Variants in GABRB2 observed in about 807,000 individuals in gnomAD.
GABRB2 encodes the protein gamma-aminobutyric acid type A receptor subunit beta2.
A neutral mutation model predicts 54.7 loss-of-function variants in GABRB2; 16 were observed. The observed-to-expected ratio is 0.29, with a 90% confidence interval of 0.20 to 0.44. GABRB2 has a LOEUF of 0.44. GABRB2 is among the 20% of genes least tolerant of loss of function. The pLI is 1.00. For missense variants in GABRB2, 355 were observed against 644.0 expected, an observed-to-expected ratio of 0.55 and a Z score of 4.86; for synonymous variants, 244 against 233.8, an observed-to-expected ratio of 1.04 and a Z score of -0.40.
At chr5:161,331,595 G>C (rs975345084) in intron 7 of GABRB2, among the ~76,000 whole-genome samples, 1 of 152,096 alleles carries the variant, frequency 6.6e-6, no homozygotes, top group African/African-American at 2.4e-5. Context: ...CTGGTGGAGA[G>C]AGCTTTTATA....
chr5:161,458,699 A>G (rs551593519), intron 4 of GABRB2, among the ~76,000 whole-genome samples: 32 of 152,344 alleles, frequency 2.1e-4, no homozygotes, highest in African/African-American at 7.5e-4. Context: ...TCTTCATTTG[A>G]AAACAAAGAC....
At chr5:161,404,175 A>G (rs1339188368) in intron 5 of GABRB2, among the ~76,000 whole-genome samples, 1 of 152,148 alleles carries the variant, frequency 6.6e-6, no homozygotes, top group African/African-American at 2.4e-5. Flanking sequence ...GTCATGAAGG[A>G]CCAACTGTTA....
intron 5 of GABRB2, among the ~76,000 whole-genome samples, chr5:161,403,086 C>T (rs1256875826): frequency 2.0e-5 from 3 of 152,144 alleles, no homozygotes; most frequent in African/African-American, 7.2e-5. Context: ...TTCTCTTTCT[C>T]TCCTACAACT....
chr5:161,513,524 C>A (rs1040123010), intron 3 of GABRB2, among the ~76,000 whole-genome samples: 3 of 151,996 alleles, frequency 2.0e-5, no homozygotes, highest in Non-Finnish European at 4.4e-5. Flanking sequence ...TGAATTAATG[C>A]AGGAATGGAA....
chr5:161,546,993 C>T (rs555940502), upstream of GABRB2: 25 of 231,002 alleles, frequency 1.1e-4, 2 homozygotes, highest in Middle Eastern at 6.8e-3. Context: ...CAGTTTTGCA[C>T]CGAGCGGGTT....
chr5:161,346,563 C>A (rs762208994), intron 5 of GABRB2, among the ~76,000 whole-genome samples: 5 of 152,128 alleles, frequency 3.3e-5, no homozygotes, highest in Non-Finnish European at 5.9e-5. Context: ...GTCTCTCCAT[C>A]TTAACCCATT....
rs763813916 is a variant in GABRB2, at chr5:161,510,897, C to A, written c.237+34330G>T. ...AGGTTTTACACCTTCTGCTTTCATC[C>A]CTTGAAGTAATATCCATAGTTGCTT... On this transcript the variant is annotated intron_variant, in intron 3 of 9. Coordinates refer to ENST00000393959, the MANE Select transcript of GABRB2 (RefSeq NM_001371727.1). Among the ~76,000 whole-genome samples, 13 of 151,876 alleles carry A rather than the reference C, an allele frequency of 8.6e-5. No individual in the cohort carries two copies. The South Asian group carries it at 1.2e-3, about 15-fold the overall frequency.
rs192837162 is a variant in GABRB2 at position 161,382,706 on chromosome 5, G to C, written c.541+28269C>G. ...TGGTTTAGAATATTCTGGCTTATGT[G>C]ACTTGTTATGTGTCTGTCCCTTACA... On this transcript the variant is annotated intron_variant, in intron 5 of 9. Transcript: ENST00000393959. 1.4e-3 allele frequency among the ~76,000 whole-genome samples: 217 copies of C among 152,218 alleles called. 1 individual carries two copies. Among genetic ancestry groups the C allele is most frequent in the Non-Finnish European group, 1.3e-3 (91 of 68,022 alleles).
intron 4 of GABRB2, among the ~76,000 whole-genome samples, chr5:161,412,177 A>C (rs1474962113): frequency 6.6e-6 from 1 of 152,200 alleles, no homozygotes; most frequent in Non-Finnish European, 1.5e-5. Flanking sequence ...TAACCCAGGT[A>C]GACTGAGCCT....
At position 161,321,012 on chromosome 5, in the gene GABRB2, A is replaced by G. The variant is rs566038245; in HGVS notation, c.1191+5356T>C. On this transcript the variant is annotated intron_variant, in intron 9 of 9. Coordinates refer to ENST00000393959, the MANE Select transcript of GABRB2 (RefSeq NM_001371727.1). The stretch of plus-strand genomic sequence containing the variant: ...TGTCATGCTGTAGTGTATACCACAA[A>G]AACGTGGGACATAGAAAAATGTAGA... Among the ~76,000 whole-genome samples the G allele has an allele frequency of 2.2e-4, 34 of 152,116 alleles. 1 individual carries two copies. The highest frequency in any genetic ancestry group is 1.9e-3 in the Admixed American group (29 of 15,280).
intron 5 of GABRB2, among the ~76,000 whole-genome samples, chr5:161,408,892 A>C (rs985121345): frequency 6.6e-6 from 1 of 152,100 alleles, no homozygotes; most frequent in African/African-American, 2.4e-5. Context: ...CAGAATGAGA[A>C]GCATCAATTG....
intron 9 of GABRB2, among the ~76,000 whole-genome samples, chr5:161,300,200 T>A (rs1321973220): frequency 6.6e-6 from 1 of 152,222 alleles, no homozygotes. Context: ...GCACGTAAAC[T>A]ACCCGTAAGT....
chr5:161,440,852 A>G (rs899581679), intron 4 of GABRB2, among the ~76,000 whole-genome samples: 4 of 152,236 alleles, frequency 2.6e-5, no homozygotes, highest in Non-Finnish European at 4.4e-5. Context: ...AAAGGTGCCT[A>G]TAACACTTAC....
chr5:161,340,895 T>C (rs1225977208), intron 5 of GABRB2, among the ~76,000 whole-genome samples: 1 of 152,060 alleles, frequency 6.6e-6, no homozygotes, highest in Non-Finnish European at 1.5e-5. Context: ...TAATAAGAAG[T>C]TTCAAAGTTA....
intron 9 of GABRB2, among the ~76,000 whole-genome samples, chr5:161,318,454 T>C (rs1006506949): frequency 9.9e-5 from 15 of 152,028 alleles, no homozygotes; most frequent in Non-Finnish European, 1.8e-4. Flanking sequence ...CCCAAATCAT[T>C]GCTCACTGTT....
rs1208154923 is a variant in GABRB2, at chr5:161,330,937, T to C, written c.1023A>G (p.Ala341=). The change falls in exon 8 of 10, where the codon GCA becomes GCG. Residue 341 remains alanine, a synonymous_variant. Coordinates refer to ENST00000393959, the MANE Select transcript of GABRB2 (RefSeq NM_001371727.1). ...TGTTGGCACTGGCAGCCTTCTCAGC[T>C]GCTTTCTTTTGGCGTTGGGGCCCCC... ...FGRGPQRQKK[A]AEKAASANNE... is the part of the protein sequence containing the mutation. 6.2e-7 allele frequency: 1 copy of C among 1,614,236 alleles called. No homozygotes were observed. Among genetic ancestry groups the C allele is most frequent in the South Asian group, 1.1e-5 (1 of 91,084 alleles).
Position 161,466,861 on chromosome 5 carries a change from T to C in GABRB2, c.238-7017A>G, listed in dbSNP as rs529811869. ...ACTTCAGCATTTATTATCTATGGAG[T>C]TTTTCCTCTTTTCTTTTAAAGCATG... is the stretch of plus-strand genomic sequence containing the variant. On this transcript the variant is annotated intron_variant, in intron 3 of 9. Coordinates refer to ENST00000393959, the MANE Select transcript of GABRB2 (RefSeq NM_001371727.1). 2.6e-5 allele frequency among the ~76,000 whole-genome samples: 4 copies of C among 152,178 alleles called. No homozygotes were observed. The East Asian group carries it at 5.8e-4, about 22-fold the overall frequency.
intron 4 of GABRB2, among the ~76,000 whole-genome samples, chr5:161,435,636 A>C (rs184523519): frequency 4.6e-5 from 7 of 152,330 alleles, no homozygotes; most frequent in East Asian, 1.9e-4. Flanking sequence ...GAGGGCGGGA[A>C]AGAGAAAAAT....
At chr5:161,485,799 T>C (rs1372241620) in intron 3 of GABRB2, among the ~76,000 whole-genome samples, 2 of 151,812 alleles carry the variant, frequency 1.3e-5, no homozygotes, top group African/African-American at 4.8e-5. Flanking sequence ...ACTCCTATTG[T>C]AGCAATTTGG....
Sources: allele counts gnomAD v4.1 joint callset (sites outside exome capture counted in the v4.1 genomes callset), GRCh38; gene constraint gnomAD v4.1.1; transcripts MANE v1.5; gene names NCBI Gene and HGNC (gene_info 2026-07-23, HGNC 2026-07-21).